TOX: variants seen among roughly 807,000 people sequenced by gnomAD.
The protein encoded by TOX is thymocyte selection-associated high mobility group box protein TOX.
TOX carries 11 observed loss-of-function variants against 53.7 expected under a neutral mutation model. That is an observed-to-expected ratio of 0.20 (90% CI 0.13 to 0.34). The LOEUF is 0.34. Ranked by LOEUF, TOX falls within the 10% of genes least tolerant of loss-of-function variation. TOX has a pLI of 1.00. For missense variants in TOX, 570 were observed against 664.6 expected (o/e 0.86, Z 1.56); for synonymous variants, 225 against 245.3 (o/e 0.92, Z 0.77).
intron 1 of TOX, among the ~76,000 whole-genome samples, chr8:59,088,555 A>C (rs993037049): frequency 6.6e-6 from 1 of 152,204 alleles, no homozygotes; most frequent in African/African-American, 2.4e-5. Context: ...GTTTCTGTTC[A>C]TGTCAGGAGG....
chr8:59,071,151 C>T (rs373788758), intron 1 of TOX, among the ~76,000 whole-genome samples: 31 of 152,242 alleles, frequency 2.0e-4, no homozygotes, highest in East Asian at 1.9e-4. Flanking sequence ...TTAAAGTTAA[C>T]GCAGGTTTAG....
chr8:58,992,977 G>A (rs1813484844), intron 1 of TOX: 1 of 152,196 alleles, frequency 6.6e-6, no homozygotes, highest in Admixed American at 6.5e-5. Flanking sequence ...AGAGAACAGA[G>A]GGAGTGAGAG....
intron 3 of TOX, among the ~76,000 whole-genome samples, chr8:58,892,264 A>C (rs528764891): frequency 6.6e-6 from 1 of 152,252 alleles, no homozygotes; most frequent in African/African-American, 2.4e-5. Context: ...CCATTCCAGG[A>C]TGTACAAAGT....
intron 1 of TOX, among the ~76,000 whole-genome samples, chr8:59,011,046 C>A (rs755948119): frequency 6.6e-6 from 1 of 152,152 alleles, no homozygotes; most frequent in Non-Finnish European, 1.5e-5. Flanking sequence ...AAAGAAAGAA[C>A]TCATGGAAAA....
chr8:59,070,329 G>C (rs1294991743), intron 1 of TOX, among the ~76,000 whole-genome samples: 2 of 152,078 alleles, frequency 1.3e-5, no homozygotes, highest in Non-Finnish European at 2.9e-5. Context: ...CTCAACTAAG[G>C]CTTTAACAAC....
chr8:58,900,849 T>A (rs1290779942), intron 3 of TOX, among the ~76,000 whole-genome samples: 1 of 151,918 alleles, frequency 6.6e-6, no homozygotes, highest in Non-Finnish European at 1.5e-5. Flanking sequence ...TTGGTAGAGG[T>A]TTTTTTTGTA....
intron 3 of TOX, among the ~76,000 whole-genome samples, chr8:58,860,953 G>A (rs373821970): frequency 2.0e-5 from 3 of 152,162 alleles, no homozygotes; most frequent in Non-Finnish European, 2.9e-5. Context: ...GGCGTATAGC[G>A]TTGCCCTTTA....
chr8:58,971,579 T>C (rs1048315381), intron 1 of TOX, among the ~76,000 whole-genome samples: 25 of 152,372 alleles, frequency 1.6e-4, no homozygotes, highest in African/African-American at 5.5e-4. Context: ...GTTTCCATCA[T>C]TAATTGGAAA....
intron 2 of TOX, among the ~76,000 whole-genome samples, chr8:58,950,936 G>C (rs754219655): frequency 4.6e-5 from 7 of 152,286 alleles, no homozygotes; most frequent in Non-Finnish European, 8.8e-5. Context: ...TGATTGTTCA[G>C]CTTTTATATG....
At chr8:58,847,768 G>A (rs1185336831) in intron 4 of TOX, among the ~76,000 whole-genome samples, 2 of 152,084 alleles carry the variant, frequency 1.3e-5, no homozygotes, top group Non-Finnish European at 2.9e-5. Context: ...GTAAAGTCAG[G>A]TTACTTTCAA....
At chr8:58,998,269 A>T (rs1249025308) in intron 1 of TOX, among the ~76,000 whole-genome samples, 3 of 151,100 alleles carry the variant, frequency 2.0e-5, no homozygotes, top group Admixed American at 1.3e-4. Flanking sequence ...TGGGTGGATC[A>T]CTTGAGCTCA....
intron 2 of TOX, among the ~76,000 whole-genome samples, chr8:58,949,472 C>G (rs1812581348): frequency 6.6e-6 from 1 of 152,128 alleles, no homozygotes; most frequent in Non-Finnish European, 1.5e-5. Context: ...CAAATGGAAT[C>G]ATAGAATGCT....
intron 1 of TOX, among the ~76,000 whole-genome samples, chr8:58,976,912 T>C (rs979459982): frequency 6.6e-6 from 1 of 152,230 alleles, no homozygotes; most frequent in Non-Finnish European, 1.5e-5. Context: ...AAGGATGTAC[T>C]GTCATCCAGC....
chr8:59,073,154 C>T (rs1804229135), intron 1 of TOX, among the ~76,000 whole-genome samples: 2 of 152,126 alleles, frequency 1.3e-5, no homozygotes, highest in Non-Finnish European at 2.9e-5. Context: ...CAAACTGAGT[C>T]GAATTCCTTA....
intron 7 of TOX, among the ~76,000 whole-genome samples, chr8:58,808,942 T>C (rs1585836059): frequency 1.3e-5 from 2 of 152,216 alleles, no homozygotes; most frequent in African/African-American, 4.8e-5. Context: ...GAAAAGTCTA[T>C]TAACTGGCAA....
chr8:58,996,386 T>C (rs774109831), intron 1 of TOX, among the ~76,000 whole-genome samples: 2 of 152,214 alleles, frequency 1.3e-5, no homozygotes, highest in Non-Finnish European at 2.9e-5. Flanking sequence ...CAAACCCCTA[T>C]CTCAGAATCA....
chr8:58,998,495 A>G (rs1467832065), intron 1 of TOX, among the ~76,000 whole-genome samples: 88 of 63,528 alleles, frequency 1.4e-3, no homozygotes, highest in African/African-American at 7.3e-3. Flanking sequence ...TCTCAAAAGT[A>G]TATATATATA....
chr8:59,001,774 G>T (rs1237808618), intron 1 of TOX, among the ~76,000 whole-genome samples: 1 of 151,880 alleles, frequency 6.6e-6, no homozygotes, highest in African/African-American at 2.4e-5. Flanking sequence ...TCAATCAGAT[G>T]ACAAAATGAT....
intron 3 of TOX, among the ~76,000 whole-genome samples, chr8:58,904,783 G>T (rs1348467591): frequency 1.3e-5 from 2 of 152,174 alleles, no homozygotes; most frequent in Non-Finnish European, 2.9e-5. Context: ...CACAGTAGGA[G>T]CTCAAAATAT....
Sources: gnomAD v4.1 joint callset for allele counts (sites outside exome capture counted in the v4.1 genomes callset) on GRCh38, gnomAD v4.1.1 for gene constraint, MANE v1.5 for transcripts, NCBI Gene and HGNC (gene_info 2026-07-23, HGNC 2026-07-21) for gene names.